ROBO2: variants seen among roughly 807,000 people sequenced by gnomAD.
ROBO2 encodes roundabout guidance receptor 2.
In ROBO2, 53 loss-of-function variants were observed where a neutral mutation model predicts 160.8. The ratio of observed to expected loss-of-function variants is 0.33; its 90% CI spans 0.26 to 0.41. ROBO2 has a LOEUF of 0.41. Among genes scored for constraint, ROBO2 ranks in the 10% least tolerant of loss-of-function variants. The probability of loss-of-function intolerance (pLI) is 1.00; values close to 1 mark genes in which losing one functional copy is unlikely to be tolerated. For missense variants in ROBO2, 1,577 were observed against 1,722.4 expected, an observed-to-expected ratio of 0.92 and a Z score of 1.49; for synonymous variants, 664 against 611.7, an observed-to-expected ratio of 1.09 and a Z score of -1.26.
chr3:76,875,299 G>A (rs923764089), intron 2 of ROBO2, among the ~76,000 whole-genome samples: 1 of 152,122 alleles, frequency 6.6e-6, no homozygotes. Context: ...TGAGAAATAC[G>A]TTTCTGTTCT....
intron 2 of ROBO2, among the ~76,000 whole-genome samples, chr3:77,338,445 T>C (rs1323510950): frequency 3.7e-4 from 57 of 152,256 alleles, no homozygotes; most frequent in African/African-American, 1.3e-3. Flanking sequence ...TTGTGAAGAT[T>C]AAGCTTATGT....
At chr3:77,077,769 C>T (rs2068167343) in intron 1 of ROBO2, among the ~76,000 whole-genome samples, 1 of 152,162 alleles carries the variant, frequency 6.6e-6, no homozygotes, top group Non-Finnish European at 1.5e-5. Context: ...TTTGCTGTAA[C>T]AGAGGTGTGG....
chr3:77,206,772 A>T (rs2083497438), intron 2 of ROBO2, among the ~76,000 whole-genome samples: 1 of 152,120 alleles, frequency 6.6e-6, no homozygotes, highest in African/African-American at 2.4e-5. Context: ...GGCATTTTTA[A>T]GTTTTTGATG....
chr3:76,885,131 C>A (rs2073749634), intron 2 of ROBO2, among the ~76,000 whole-genome samples: 1 of 152,142 alleles, frequency 6.6e-6, no homozygotes, highest in Non-Finnish European at 1.5e-5. Context: ...TAGCCAATAA[C>A]TGCAGGATTT....
chr3:77,066,132 A>G (rs1291605363), intron 1 of ROBO2, among the ~76,000 whole-genome samples: 1 of 152,110 alleles, frequency 6.6e-6, no homozygotes, highest in Non-Finnish European at 1.5e-5. Context: ...AACAGCACAG[A>G]AACAATCTAG....
intron 2 of ROBO2, among the ~76,000 whole-genome samples, chr3:77,139,886 CAT>C (rs995359047): frequency 6.6e-6 from 1 of 152,134 alleles, no homozygotes; most frequent in Non-Finnish European, 1.5e-5. Context: ...GACAACCCCA[CAT>C]GTCAGAGCCT....
At chr3:77,458,381 G>A (rs1209172774) in intron 2 of ROBO2, among the ~76,000 whole-genome samples, 1 of 152,170 alleles carries the variant, frequency 6.6e-6, no homozygotes, top group East Asian at 1.9e-4. Context: ...AACGGTGAAT[G>A]AGGAGACAGA....
intron 2 of ROBO2, among the ~76,000 whole-genome samples, chr3:76,982,120 A>G (rs11914356): frequency 0.61 from 92,602 of 152,012 alleles, 28,929 homozygotes; most frequent in African/African-American, 0.75. Context: ...TTGCTGCTGC[A>G]TTTGCTTTTG....
chr3:75,940,538 CTCTG>C (rs201082765), intron 2 of ROBO2, among the ~76,000 whole-genome samples: 5 of 152,068 alleles, frequency 3.3e-5, no homozygotes, highest in African/African-American at 1.2e-4. Flanking sequence ...CTGACGTGGA[CTCTG>C]TCTGTGTCTA....
At chr3:76,294,511 A>G (rs949765677) in intron 2 of ROBO2, among the ~76,000 whole-genome samples, 7 of 151,950 alleles carry the variant, frequency 4.6e-5, no homozygotes, top group Admixed American at 1.3e-4. Context: ...GCCAGATGCT[A>G]TTTTCCATTG....
At chr3:76,485,029 C>A (rs751602980) in intron 2 of ROBO2, among the ~76,000 whole-genome samples, 43 of 152,026 alleles carry the variant, frequency 2.8e-4, no homozygotes, top group Non-Finnish European at 6.0e-4. Context: ...CAGTCCCCAA[C>A]CTTTTTGGTA....
intron 5 of ROBO2, among the ~76,000 whole-genome samples, chr3:77,499,488 T>A (rs1447849): frequency 6.6e-6 from 1 of 152,102 alleles, no homozygotes; most frequent in Non-Finnish European, 1.5e-5. Context: ...ATCCACCTGA[T>A]TGGTGGCATT....
chr3:76,283,460 C>A (rs181230465), intron 2 of ROBO2, among the ~76,000 whole-genome samples: 2 of 151,918 alleles, frequency 1.3e-5, no homozygotes, highest in African/African-American at 4.8e-5. Context: ...TTTGATGTCT[C>A]AACCTCAATA....
chr3:77,605,374 A>C (rs2094506750), intron 20 of ROBO2, among the ~76,000 whole-genome samples: 1 of 152,094 alleles, frequency 6.6e-6, no homozygotes, highest in African/African-American at 2.4e-5. Context: ...ATCTCAGAGA[A>C]TGTAAGTGGC....
chr3:76,117,534 G>A (rs112405028), intron 2 of ROBO2, among the ~76,000 whole-genome samples: 10 of 152,184 alleles, frequency 6.6e-5, no homozygotes, highest in East Asian at 1.9e-4. Flanking sequence ...ATATACTTAC[G>A]TAAACTCCTC....
intron 2 of ROBO2, among the ~76,000 whole-genome samples, chr3:76,093,438 C>A (rs980424278): frequency 2.7e-5 from 4 of 150,464 alleles, no homozygotes; most frequent in Non-Finnish European, 5.9e-5. Flanking sequence ...CTAGCAGTCA[C>A]ACAGGCCTGC....
chr3:76,587,363 C>T (rs1249489788), intron 2 of ROBO2, among the ~76,000 whole-genome samples: 1 of 152,076 alleles, frequency 6.6e-6, no homozygotes, highest in Non-Finnish European at 1.5e-5. Flanking sequence ...TAAAGAACTG[C>T]TTGAGACTGG....
intron 2 of ROBO2, among the ~76,000 whole-genome samples, chr3:77,310,896 G>T (rs908006183): frequency 2.0e-5 from 3 of 152,022 alleles, no homozygotes; most frequent in Admixed American, 2.0e-4. Flanking sequence ...AATGGATTAG[G>T]TCTAATACAG....
At chr3:77,153,858 T>C (rs2077740837) in intron 2 of ROBO2, among the ~76,000 whole-genome samples, 2 of 152,136 alleles carry the variant, frequency 1.3e-5, no homozygotes, top group Admixed American at 6.6e-5. Flanking sequence ...TATAGCCCTT[T>C]AATTTTCTTG....
Sources: gnomAD v4.1 joint callset for allele counts (sites outside exome capture counted in the v4.1 genomes callset) on GRCh38, gnomAD v4.1.1 for gene constraint, MANE v1.5 for transcripts, NCBI Gene and HGNC (gene_info 2026-07-23, HGNC 2026-07-21) for gene names.